The following POU6F2 variants were observed in gnomAD, a reference collection of about 807,000 sequenced individuals.
POU6F2 encodes POU domain, class 6, transcription factor 2.
A neutral mutation model predicts 71.3 loss-of-function variants in POU6F2; 31 were observed. That is an observed-to-expected ratio of 0.43 (90% confidence interval 0.33 to 0.59). POU6F2 has a LOEUF of 0.59. Among genes scored for constraint, POU6F2 ranks in the 20% least tolerant of loss-of-function variants. The pLI is 0.04. For synonymous variants in POU6F2, 347 were observed against 355.7 expected (o/e 0.98, Z 0.27); for missense variants, 783 against 856.8 (o/e 0.91, Z 1.07).
intron 1 of POU6F2, among the ~76,000 whole-genome samples, chr7:39,068,370 T>A (rs1458576748): frequency 2.0e-5 from 3 of 152,072 alleles, no homozygotes; most frequent in Non-Finnish European, 4.4e-5. Flanking sequence ...ATTAGGCCCT[T>A]AATAAATATT....
chr7:39,326,319 C>T (rs117521207), intron 4 of POU6F2, among the ~76,000 whole-genome samples: 100 of 152,290 alleles, frequency 6.6e-4, no homozygotes, highest in Non-Finnish European at 1.2e-3. Context: ...AACCGTTATC[C>T]AAGGAGAGTC....
chr7:39,244,985 C>T (rs1783795513), intron 4 of POU6F2, among the ~76,000 whole-genome samples: 1 of 152,168 alleles, frequency 6.6e-6, no homozygotes, highest in Non-Finnish European at 1.5e-5. Flanking sequence ...AATCTCTGAA[C>T]TTCACAGCAG....
intron 4 of POU6F2, among the ~76,000 whole-genome samples, chr7:39,221,359 T>C (rs1794354008): frequency 6.7e-6 from 1 of 149,412 alleles, no homozygotes; most frequent in Admixed American, 6.6e-5. Flanking sequence ...TTTCCATTGA[T>C]CAGAATCTAA....
rs1385477272 is a variant in POU6F2, at chr7:39,199,505, A to G, written c.278-4730A>G. On this transcript the variant is annotated intron_variant, in intron 2 of 9. Coordinates refer to ENST00000518318, the MANE Select transcript of POU6F2 (RefSeq NM_001370959.1). ...GTTGTACCAATTTTTTTTTAAAAGA[A>G]TTGGAAAACAAAAATGAACTTGCTA... 1.2e-4 allele frequency among the ~76,000 whole-genome samples: 18 copies of G among 152,262 alleles called. No individual in the cohort carries two copies. The South Asian group carries it at 3.7e-3, about 32-fold the overall frequency.
At chr7:39,056,196 A>T (rs1289856018) in intron 1 of POU6F2, among the ~76,000 whole-genome samples, 1 of 152,108 alleles carries the variant, frequency 6.6e-6, no homozygotes, top group Non-Finnish European at 1.5e-5. Context: ...AAGTGAGATA[A>T]AACATGGTTA....
chr7:39,329,364 C>T (rs990127295), intron 4 of POU6F2, among the ~76,000 whole-genome samples: 2 of 151,584 alleles, frequency 1.3e-5, no homozygotes. Flanking sequence ...AAATTTGCTC[C>T]ATGGAAATTC....
chr7:38,983,412 G>C (rs1226875568), intron 1 of POU6F2, among the ~76,000 whole-genome samples: 4 of 144,706 alleles, frequency 2.8e-5, no homozygotes, highest in Admixed American at 7.0e-5. Flanking sequence ...TTTTTTTGTA[G>C]GTGAAATGTG....
At chr7:39,372,325 C>T (rs1786630901) in intron 5 of POU6F2, among the ~76,000 whole-genome samples, 1 of 152,146 alleles carries the variant, frequency 6.6e-6, no homozygotes, top group African/African-American at 2.4e-5. Flanking sequence ...TTTTATAATA[C>T]AGATTTACTA....
At chr7:39,402,988 G>A (rs916531699) in intron 5 of POU6F2, among the ~76,000 whole-genome samples, 1 of 152,100 alleles carries the variant, frequency 6.6e-6, no homozygotes, top group African/African-American at 2.4e-5. Flanking sequence ...ACTTTTGAGT[G>A]CATTATCTCA....
intron 2 of POU6F2, among the ~76,000 whole-genome samples, chr7:39,092,565 T>G (rs556924176): frequency 1.3e-5 from 2 of 152,308 alleles, no homozygotes; most frequent in South Asian, 4.1e-4. Context: ...ACACTGGGCT[T>G]TTCTTTGGGA....
intron 1 of POU6F2, among the ~76,000 whole-genome samples, chr7:39,023,226 G>C (rs1020454638): frequency 7.9e-5 from 12 of 152,016 alleles, no homozygotes; most frequent in African/African-American, 2.2e-4. Flanking sequence ...TTAAAAATAT[G>C]TATACTAGCC....
intron 2 of POU6F2, among the ~76,000 whole-genome samples, chr7:39,126,331 A>C (rs1792137377): frequency 6.6e-6 from 1 of 152,142 alleles, no homozygotes; most frequent in Admixed American, 6.5e-5. Flanking sequence ...AGGGCAGGGA[A>C]CTTCTGAGGA....
rs1440478018 is a variant in POU6F2 at position 39,460,963 on chromosome 7, AC to A, written c.1658+249del. 6.6e-6 allele frequency among the ~76,000 whole-genome samples: 1 copy of A among 152,182 alleles called. No homozygotes were observed. Among genetic ancestry groups the A allele is most frequent in the African/African-American group, 2.4e-5 (1 of 41,448 alleles). On this transcript the variant is annotated intron_variant, in intron 9 of 9. Transcript: ENST00000518318. The surrounding 1 kb of genome is among the most constrained non-coding windows in gnomAD (Gnocchi z 4.4). The stretch of plus-strand genomic sequence containing the variant: ...CTTCCAAGGCAGTCTCATTGGAAAT[AC>A]ACTACCCCAGGGTCAGGGGCCTTCC...
chr7:39,205,389 G>A (rs1461098869), intron 3 of POU6F2, among the ~76,000 whole-genome samples: 1 of 152,106 alleles, frequency 6.6e-6, no homozygotes, highest in Admixed American at 6.5e-5. Flanking sequence ...ATGCCTTCAG[G>A]TTGGGTAGGC....
intron 5 of POU6F2, among the ~76,000 whole-genome samples, chr7:39,373,861 T>A (rs1431060135): frequency 2.0e-5 from 3 of 152,238 alleles, no homozygotes. Flanking sequence ...AACTCTTAAT[T>A]ATATTCATTC....
At chr7:39,411,622 G>A (rs565719845) in intron 6 of POU6F2, among the ~76,000 whole-genome samples, 66 of 152,278 alleles carry the variant, frequency 4.3e-4, no homozygotes, top group Non-Finnish European at 8.5e-4. Context: ...ACTCAAGAAC[G>A]CACATACATA....
intron 1 of POU6F2, among the ~76,000 whole-genome samples, chr7:39,024,947 G>T (rs1562675235): frequency 6.6e-6 from 1 of 152,172 alleles, no homozygotes; most frequent in African/African-American, 2.4e-5. Context: ...GTTTATCAAG[G>T]ATATTAGTCT....
chr7:39,124,233 A>G (rs184310267), intron 2 of POU6F2, among the ~76,000 whole-genome samples: 1 of 151,956 alleles, frequency 6.6e-6, no homozygotes, highest in African/African-American at 2.4e-5. Flanking sequence ...TTTTAGTAGA[A>G]ACGGGGTTTC....
intron 1 of POU6F2, among the ~76,000 whole-genome samples, chr7:39,057,386 C>A (rs1215637638): frequency 6.6e-6 from 1 of 151,988 alleles, no homozygotes; most frequent in Non-Finnish European, 1.5e-5. Flanking sequence ...TCCTTTAATG[C>A]TAGTCAGTTT....
Sources: gnomAD v4.1 joint callset for allele counts (sites outside exome capture counted in the v4.1 genomes callset) on GRCh38, gnomAD v4.1.1 for gene constraint, Gnocchi (gnomAD v3.1) non-coding constraint, MANE v1.5 for transcripts, NCBI Gene and HGNC (gene_info 2026-07-23, HGNC 2026-07-21) for gene names.